Variants in ZNF101 observed in about 807,000 individuals in gnomAD.
The protein encoded by ZNF101 is zinc finger protein 101.
Under a neutral mutation model 42.6 loss-of-function variants are expected in ZNF101, and 34 were observed. The observed-to-expected ratio is 0.80, with a 90% confidence interval of 0.61 to 1.06. The LOEUF (loss-of-function observed/expected upper bound fraction) is 1.06. Ranked by LOEUF, ZNF101 falls within the 50% of genes least tolerant of loss-of-function variation. ZNF101 has a pLI of 0.00. For synonymous variants in ZNF101, 158 were observed against 183.9 expected (o/e 0.86, Z 1.14); for missense variants, 466 against 530.9 (o/e 0.88, Z 1.20).
rs561643250 is a variant in ZNF101 at position 19,669,240 on chromosome 19, A to T, written c.3+274A>T. Among the ~76,000 whole-genome samples the T allele has an allele frequency of 3.3e-5, 5 of 152,252 alleles. No homozygotes were observed. In the East Asian group the frequency reaches 7.7e-4, roughly 24 times the overall value. On this transcript the variant is annotated intron_variant, in intron 1 of 3. Transcript: ENST00000592502. ...CGTGCGGGGGCCTCAGGAGGGTCTTAGGGGGAATCCCGCCTCGGGTGTGGG... is the reference window on the plus strand; with the variant it reads ...CGTGCGGGGGCCTCAGGAGGGTCTTTGGGGGAATCCCGCCTCGGGTGTGGG...
chr19:19,672,132 A>T (rs1317360136), intron 1 of ZNF101: 4 of 148,098 alleles, frequency 2.7e-5, no homozygotes, highest in Non-Finnish European at 5.9e-5. Flanking sequence ...AAGTTGTATG[A>T]TTATATATAT....
chr19:19,671,979 T>C (rs962362520), intron 1 of ZNF101, among the ~76,000 whole-genome samples: 1 of 151,390 alleles, frequency 6.6e-6, no homozygotes, highest in African/African-American at 2.4e-5. Flanking sequence ...TTCTAGGTAC[T>C]TGAGAGGCTG....
rs571916149 is a variant in ZNF101, at chr19:19,682,928, C to T, written c.*2628C>T. ...TCCACCTCCCGGGTTCAAGTAATCC[C>T]CCTGCCTTAGCCTCCTACAGGCGCG... On this transcript the variant is annotated 3_prime_UTR_variant, in exon 4 of 4. Coordinates refer to ENST00000592502, the MANE Select transcript of ZNF101 (RefSeq NM_033204.4). The T allele has an allele frequency of 5.3e-4, 80 of 152,158 alleles. No homozygotes were observed. The highest frequency in any genetic ancestry group is 2.3e-3 in the South Asian group (11 of 4,816). 9.4% of individuals were successfully genotyped at this position (152,158 alleles called of 1,614,324 possible). A position where few individuals can be genotyped will look rare whatever the true frequency, so the allele number is the denominator to read the frequency against.
chr19:19,679,546 T>A lies in ZNF101; in HGVS notation c.557T>A (p.Ile186Asn), dbSNP rs1343841744. ...TTTAATTCTCCCAATTTATTTCAAA[T>A]CCATCAAAGAACTCACACTGGAAAG... ...KAFNSPNLFQ[I>N]HQRTHTGKRS... The change falls in exon 4 of 4, where the codon ATC becomes AAC. Residue 186 changes from isoleucine to asparagine, a missense_variant. Physicochemically the swap from Ile to Asn is moderately radical, Grantham distance 149. Coordinates refer to ENST00000592502, the MANE Select transcript of ZNF101 (RefSeq NM_033204.4). The A allele has an allele frequency of 1.2e-6, 2 of 1,614,132 alleles. No homozygotes were observed. The highest frequency in any genetic ancestry group is 1.7e-6 in the Non-Finnish European group (2 of 1,180,030).
chr19:19,679,843 A>T lies in ZNF101; in HGVS notation c.854A>T (p.Gln285Leu), dbSNP rs1163745777. Reference sequence around the variant, plus strand: ...GCGCTGGAGAAATCCCACCAATGTCAGGAATGTGGGAAAAAACTCAGTTGT... The same window carrying T: ...GCGCTGGAGAAATCCCACCAATGTCTGGAATGTGGGAAAAAACTCAGTTGT... Reference protein sequence around the residue: ...SHALEKSHQCQECGKKLSCSS... With the variant: ...SHALEKSHQCLECGKKLSCSS... Residue 285 changes from glutamine (Q) to leucine (L), a missense_variant, in exon 4 of 4, where the codon CAG (glutamine) becomes CTG (leucine). Gln to Leu is a moderately radical substitution (Grantham distance 113, BLOSUM62 -2). Transcript: ENST00000592502. 3 of 1,614,124 alleles carry T rather than the reference A, an allele frequency of 1.9e-6. No individual in the cohort carries two copies. The African/African-American group carries it at 4.0e-5, about 22-fold the overall frequency.
Position 19,679,667 on chromosome 19 carries a change from A to G in ZNF101, c.678A>G (p.Glu226=). ...TGCATACTGGAGAAAAACGCTATGA[A>G]TGTAAATACTGTGGAAAACCTATCG... is the stretch of plus-strand genomic sequence containing the variant. ...GKMHTGEKRY[E]CKYCGKPIDY... The change falls in exon 4 of 4, where the codon GAA becomes GAG. Residue 226 remains glutamate (E), a synonymous_variant. Coordinates refer to ENST00000592502, the MANE Select transcript of ZNF101 (RefSeq NM_033204.4). 1 of 1,614,000 alleles carries G rather than the reference A, an allele frequency of 6.2e-7. No homozygotes were observed. Among genetic ancestry groups the G allele is most frequent in the Non-Finnish European group, 8.5e-7 (1 of 1,179,938 alleles).
chr19:19,673,857 G>A (rs1431859408), intron 1 of ZNF101, among the ~76,000 whole-genome samples: 1 of 151,312 alleles, frequency 6.6e-6, no homozygotes, highest in Non-Finnish European at 1.5e-5. Context: ...GCAGTGGTGC[G>A]ATCTCAGCTC....
intron 1 of ZNF101, among the ~76,000 whole-genome samples, chr19:19,671,722 A>G (rs940864252): frequency 2.0e-5 from 3 of 152,002 alleles, no homozygotes; most frequent in East Asian, 1.9e-4. Flanking sequence ...GATGGTCTCG[A>G]TCTCCTGACC....
At chr19:19,677,628 C>T in intron 1 of ZNF101, 1 of 484,384 alleles carries the variant, frequency 2.1e-6, no homozygotes, top group Non-Finnish European at 3.5e-6. Context: ...ACAACTGACT[C>T]CCTGGACCCA....
chr19:19,678,662 G>T, intron 2 of ZNF101, 64 bp from the exon 3 acceptor site: 1 of 1,374,896 alleles, frequency 7.3e-7, no homozygotes, highest in Non-Finnish European at 1.0e-6. Flanking sequence ...AATGAACTTA[G>T]AACCTAGTGA....
upstream of ZNF101, among the ~76,000 whole-genome samples, chr19:19,668,233 G>T (rs2062144102): frequency 6.6e-6 from 1 of 152,124 alleles, no homozygotes; most frequent in Non-Finnish European, 1.5e-5. Context: ...CTGCTGGGCT[G>T]CTCCCCCACA....
chr19:19,673,710 T>G (rs2050490081), intron 1 of ZNF101, among the ~76,000 whole-genome samples: 1 of 128,952 alleles, frequency 7.8e-6, no homozygotes. Flanking sequence ...TTTTTTTTTT[T>G]GAGACAGAGT....
In ZNF101 at chr19:19,681,995, T is replaced by C. The variant is rs1345159829; in HGVS notation, c.*1695T>C. The C allele has an allele frequency of 6.8e-6, 1 of 147,218 alleles. No homozygotes were observed. Among genetic ancestry groups the C allele is most frequent in the Non-Finnish European group, 1.5e-5 (1 of 67,058 alleles). The allele number at this position is 147,218 out of a possible 1,614,324, so 9.1% of individuals were successfully genotyped here. ...TGGAGTGCAGTGGCACAATCTCGGC[T>C]CACTGCAACCTCCGCCTCCTGGGTG... On this transcript the variant is annotated 3_prime_UTR_variant, in exon 4 of 4. Coordinates refer to ENST00000592502, the MANE Select transcript of ZNF101 (RefSeq NM_033204.4).
intron 1 of ZNF101, among the ~76,000 whole-genome samples, chr19:19,671,720 C>A (rs1396816456): frequency 6.6e-6 from 1 of 152,046 alleles, no homozygotes; most frequent in East Asian, 1.9e-4. Context: ...AGGATGGTCT[C>A]GATCTCCTGA....
At chr19:19,668,826 C>T, upstream of ZNF101, 4 of 1,160,670 alleles carry the variant, frequency 3.4e-6, no homozygotes, top group Non-Finnish European at 3.5e-6. Flanking sequence ...GTCTCATTTC[C>T]CGCCGGCCCC....
At position 19,679,879 on chromosome 19, in the gene ZNF101, T is replaced by C; in HGVS notation, c.890T>C (p.Leu297Pro). 2 of 1,614,134 alleles carry C rather than the reference T, an allele frequency of 1.2e-6. No homozygotes were observed. The highest frequency in any genetic ancestry group is 8.5e-7 in the Non-Finnish European group (1 of 1,180,014). Residue 297 changes from leucine (L) to proline (P), a missense_variant, in exon 4 of 4, where the codon CTT (leucine) becomes CCT (proline). Transcript: ENST00000592502. ...CGKKLSCSSS[L>P]HRHERTHSGG... Reference sequence around the variant, plus strand: ...AAAAAACTCAGTTGTTCCAGTTCCCTTCACAGACATGAAAGAACTCATAGT... The same window carrying C: ...AAAAAACTCAGTTGTTCCAGTTCCCCTCACAGACATGAAAGAACTCATAGT...
At position 19,679,648 on chromosome 19, in the gene ZNF101, C is replaced by G. The variant is rs773193419; in HGVS notation, c.659C>G (p.Thr220Ser). ...SFFRKHGKMH[T>S]GEKRYECKYC... is the part of the protein sequence containing the mutation. ...TTTCGAAAACATGGAAAAATGCATA[C>G]TGGAGAAAAACGCTATGAATGTAAA... is the stretch of plus-strand genomic sequence containing the variant. The change falls in exon 4 of 4, where the codon ACT (threonine) becomes AGT (serine). Residue 220 changes from threonine (T) to serine (S), a missense_variant. Transcript: ENST00000592502. 12 of 1,613,358 alleles carry G rather than the reference C, an allele frequency of 7.4e-6. No homozygotes were observed. The highest frequency in any genetic ancestry group is 1.0e-5 in the Non-Finnish European group (12 of 1,179,614).
intron 1 of ZNF101, among the ~76,000 whole-genome samples, chr19:19,673,897 G>A (rs565976629): frequency 9.9e-5 from 15 of 151,504 alleles, no homozygotes; most frequent in Non-Finnish European, 1.6e-4. Context: ...GAGTTCAAGC[G>A]ATTCTCCTGC....
intron 1 of ZNF101, 148 bp downstream of exon 1, chr19:19,669,114 C>T (rs2062153347): frequency 2.5e-6 from 3 of 1,219,786 alleles, no homozygotes; most frequent in Non-Finnish European, 2.2e-6. Flanking sequence ...CCTCGGTCGC[C>T]GGGTGGAGCT....
Sources: gnomAD v4.1 joint callset for allele counts (sites outside exome capture counted in the v4.1 genomes callset) on GRCh38, gnomAD v4.1.1 for gene constraint, MANE v1.5 for transcripts, NCBI Gene and HGNC (gene_info 2026-07-23, HGNC 2026-07-21) for gene names.